The following ELP4 variants were observed in gnomAD, a reference collection of about 807,000 sequenced individuals.
ELP4 encodes elongator acetyltransferase complex subunit 4, also known as elongator complex protein 4.
In ELP4, 51 loss-of-function variants were observed where a neutral mutation model predicts 48.9. The observed-to-expected ratio is 1.04, with a 90% CI of 0.83 to 1.32. ELP4 has a LOEUF of 1.32. Among genes scored for constraint, ELP4 ranks in the 40% most tolerant of loss-of-function variants. The pLI is 0.00. For synonymous variants in ELP4, 210 were observed against 189.2 expected, an observed-to-expected ratio of 1.11 and a Z score of -0.90; for missense variants, 519 against 514.6, an observed-to-expected ratio of 1.01 and a Z score of -0.08.
At chr11:31,662,725 T>A in intron 9 of ELP4, 1 of 393,880 alleles carries the variant, frequency 2.5e-6, no homozygotes, top group Non-Finnish European at 4.5e-6. Flanking sequence ...AAATAACACA[T>A]ACAGTCATTT....
chr11:31,663,767 A>G (rs1019695522), intron 9 of ELP4: 1 of 152,002 alleles, frequency 6.6e-6, no homozygotes, highest in Non-Finnish European at 1.5e-5. Flanking sequence ...ATTAAAAGTA[A>G]TGTTGGTCCT....
intron 3 of ELP4, among the ~76,000 whole-genome samples, chr11:31,592,749 T>A (rs1254773599): frequency 6.6e-6 from 1 of 151,918 alleles, no homozygotes; most frequent in Non-Finnish European, 1.5e-5. Flanking sequence ...ACGTCTATTA[T>A]GGGAATAGAT....
intron 9 of ELP4, among the ~76,000 whole-genome samples, chr11:31,711,143 A>T (rs1946735819): frequency 6.6e-6 from 1 of 152,226 alleles, no homozygotes; most frequent in South Asian, 2.1e-4. Context: ...ATGATACATA[A>T]ATGTAAAAAA....
Position 31,557,865 on chromosome 11 carries a change from AT to A in ELP4, c.381+18089del, listed in dbSNP as rs201046129. Among the ~76,000 whole-genome samples, 801 of 152,100 alleles carry A rather than the reference AT, an allele frequency of 5.3e-3. 7 individuals carry two copies. Among genetic ancestry groups the A allele is most frequent in the African/African-American group, 0.018 (751 of 41,530 alleles). On this transcript the variant is annotated intron_variant, in intron 3 of 9. Coordinates refer to ENST00000640961, the MANE Select transcript of ELP4 (RefSeq NM_019040.5). ...TAGTATACTTAATACCTTATAAATAATTTTTTTCCACACATTTTTACTTTTC... is the reference window on the plus strand; with the variant it reads ...TAGTATACTTAATACCTTATAAATAATTTTTTCCACACATTTTTACTTTTC...
At chr11:31,730,296 G>A (rs1014539197) in intron 9 of ELP4, among the ~76,000 whole-genome samples, 1 of 152,146 alleles carries the variant, frequency 6.6e-6, no homozygotes, top group South Asian at 2.1e-4. Context: ...AACAGGTTCA[G>A]TGTCTGGTGA....
At chr11:31,592,197 A>T (rs1424678746) in intron 3 of ELP4, among the ~76,000 whole-genome samples, 4 of 152,084 alleles carry the variant, frequency 2.6e-5, no homozygotes, top group Non-Finnish European at 5.9e-5. Context: ...AAATTACCAA[A>T]TTTTTTACTT....
At chr11:31,619,518 G>A (rs1228889047) in intron 5 of ELP4, among the ~76,000 whole-genome samples, 1 of 151,946 alleles carries the variant, frequency 6.6e-6, no homozygotes, top group Admixed American at 6.6e-5. Flanking sequence ...TCATAGATAG[G>A]TGTCTTCTCT....
At chr11:31,606,291 T>A (rs978942338) in intron 5 of ELP4, among the ~76,000 whole-genome samples, 4 of 152,144 alleles carry the variant, frequency 2.6e-5, no homozygotes, top group African/African-American at 9.6e-5. Flanking sequence ...ATGAAAAGCA[T>A]GTGCTCATTT....
At chr11:31,572,483 AT>A (rs1483995689) in intron 3 of ELP4, among the ~76,000 whole-genome samples, 2 of 151,962 alleles carry the variant, frequency 1.3e-5, no homozygotes, top group Non-Finnish European at 2.9e-5. Flanking sequence ...CACATTTTTA[AT>A]TTATTTATTG....
chr11:31,668,291 A>G (rs1411639224), intron 9 of ELP4, among the ~76,000 whole-genome samples: 1 of 152,120 alleles, frequency 6.6e-6, no homozygotes, highest in African/African-American at 2.4e-5. Flanking sequence ...TTATTTTTTA[A>G]GTGACAAAAA....
chr11:31,550,218 A>T lies in ELP4; in HGVS notation c.381+10435A>T, dbSNP rs148622367. Among the ~76,000 whole-genome samples, 997 of 152,276 alleles carry T rather than the reference A, an allele frequency of 6.5e-3. 5 individuals carry two copies. The highest frequency in any genetic ancestry group is 0.011 in the Non-Finnish European group (725 of 68,020). On this transcript the variant is annotated intron_variant, in intron 3 of 9. Coordinates refer to ENST00000640961, the MANE Select transcript of ELP4 (RefSeq NM_019040.5). ...AGGACTGGAAATAAGTAAATATATA[A>T]TACTTTTATTTAAGTGAGTATAAAA...
intron 3 of ELP4, among the ~76,000 whole-genome samples, chr11:31,568,992 G>A (rs902565274): frequency 6.6e-6 from 1 of 151,982 alleles, no homozygotes; most frequent in Non-Finnish European, 1.5e-5. Flanking sequence ...AGCTGAGGTG[G>A]GAGAATCACT....
chr11:31,521,463 T>C (rs941762063), intron 2 of ELP4, among the ~76,000 whole-genome samples: 6 of 152,114 alleles, frequency 3.9e-5, no homozygotes, highest in African/African-American at 1.4e-4. Context: ...CCATTTTTTT[T>C]GTAACTATGC....
intron 4 of ELP4, among the ~76,000 whole-genome samples, chr11:31,598,503 C>CTTTTTTTTTT (rs10702222): frequency 2.8e-4 from 22 of 77,736 alleles, no homozygotes; most frequent in Admixed American, 6.1e-4. Flanking sequence ...TTTTCTTCTT[C>CTTTTTTTTTT]TTTTTTTTTT....
rs1250009590 is a variant in ELP4, at chr11:31,539,718, G to A, written c.316G>A (p.Gly106Arg). Residue 106 changes from glycine (G) to arginine (R), a missense_variant, in exon 3 of 10, where the codon GGA becomes AGA. By Grantham distance (125) the Gly-to-Arg change is moderately radical. Coordinates refer to ENST00000640961, the MANE Select transcript of ELP4 (RefSeq NM_019040.5). ...GCTCTTCAAGTATTTCCTGGCAGAA[G>A]GAATTGTCAATGGGCATACTTTGTT... is the stretch of plus-strand genomic sequence containing the variant. ...PLLFKYFLAEGIVNGHTLLVA... is the reference protein window; with the variant it reads ...PLLFKYFLAERIVNGHTLLVA... 4.3e-6 allele frequency: 7 copies of A among 1,611,402 alleles called. No homozygotes were observed. Among genetic ancestry groups the A allele is most frequent in the Non-Finnish European group, 5.9e-6 (7 of 1,178,708 alleles).
At chr11:31,559,459 T>C (rs1184267234) in intron 3 of ELP4, among the ~76,000 whole-genome samples, 1 of 152,238 alleles carries the variant, frequency 6.6e-6, no homozygotes, top group Non-Finnish European at 1.5e-5. Flanking sequence ...GATATTAAAC[T>C]AAGAATAGAT....
chr11:31,672,770 C>T (rs1369618302), intron 9 of ELP4, among the ~76,000 whole-genome samples: 1 of 151,916 alleles, frequency 6.6e-6, no homozygotes, highest in Non-Finnish European at 1.5e-5. Flanking sequence ...GCCTGGGTGA[C>T]AGAGTGAGAC....
chr11:31,533,328 C>A (rs1211565949), intron 2 of ELP4, among the ~76,000 whole-genome samples: 1 of 147,204 alleles, frequency 6.8e-6, no homozygotes, highest in African/African-American at 2.5e-5. Context: ...AGGATAATGG[C>A]CTCCAGTTTC....
intron 9 of ELP4, among the ~76,000 whole-genome samples, chr11:31,680,163 T>C (rs2134121117): frequency 6.6e-6 from 1 of 152,344 alleles, no homozygotes; most frequent in East Asian, 1.9e-4. Context: ...TTTCAGTTTG[T>C]TCAGCTTTTT....
Sources: allele counts gnomAD v4.1 joint callset (sites outside exome capture counted in the v4.1 genomes callset), GRCh38; gene constraint gnomAD v4.1.1; transcripts MANE v1.5; gene names NCBI Gene and HGNC (gene_info 2026-07-23, HGNC 2026-07-21).